The following ZNF112 variants were observed in gnomAD, a reference collection of about 807,000 sequenced individuals.
The protein encoded by ZNF112 is zinc finger protein 112.
Under a neutral mutation model 77.7 loss-of-function variants are expected in ZNF112, and 37 were observed. That is an observed-to-expected ratio of 0.48 (90% CI 0.37 to 0.63). The LOEUF (loss-of-function observed/expected upper bound fraction) is 0.63. Among genes scored for constraint, ZNF112 ranks in the 20% least tolerant of loss-of-function variants. The pLI is 0.00. For missense variants in ZNF112, 950 were observed against 1,077.4 expected, an observed-to-expected ratio of 0.88 and a Z score of 1.66; for synonymous variants, 333 against 363.6, an observed-to-expected ratio of 0.92 and a Z score of 0.96.
intron 3 of ZNF112, among the ~76,000 whole-genome samples, chr19:44,333,870 A>G (rs141487196): frequency 2.1e-3 from 319 of 152,334 alleles, no homozygotes; most frequent in Non-Finnish European, 3.3e-3. Context: ...GGGCATTGCT[A>G]TAAAGATACC....
chr19:44,343,247 A>G, intron 1 of ZNF112: 2 of 1,613,584 alleles, frequency 1.2e-6, no homozygotes, highest in South Asian at 2.2e-5. Context: ...AATGAAAACC[A>G]GCTCACCTGG....
chr19:44,348,646 C>G lies in ZNF112; in HGVS notation c.-4+7980G>C, dbSNP rs146824067. Among the ~76,000 whole-genome samples, 57 of 152,162 alleles carry G rather than the reference C, an allele frequency of 3.7e-4. 1 individual carries two copies. In the East Asian group the frequency reaches 7.0e-3, roughly 19 times the overall value. On this transcript the variant is annotated intron_variant, in intron 1 of 3. Transcript: ENST00000354340. ...TGTTTGGAAATTAAGCAGCATACTT[C>G]TAAGCAACCAATGAAATTAGTCACA... is the stretch of plus-strand genomic sequence containing the variant.
rs115942850 is a variant in ZNF112 at position 44,344,297 on chromosome 19, G to A, written c.-3-3755C>T. Reference sequence around the variant, plus strand: ...CTGGACACCAGGAGTTTAATTTCATGGTTCTTCCTCAAGGTTTGTTACTTT... The same window carrying A: ...CTGGACACCAGGAGTTTAATTTCATAGTTCTTCCTCAAGGTTTGTTACTTT... On this transcript the variant is annotated intron_variant, in intron 1 of 3. Transcript: ENST00000354340. Among the ~76,000 whole-genome samples, 564 of 138,810 alleles carry A rather than the reference G, an allele frequency of 4.1e-3. 1 individual carries two copies. Among genetic ancestry groups the A allele is most frequent in the African/African-American group, 0.014 (520 of 38,248 alleles). 91.1% of individuals were successfully genotyped at this position (138,810 alleles called of 152,430 possible).
At chr19:44,361,976 A>T (rs1471435949) in intron 1 of ZNF112, among the ~76,000 whole-genome samples, 1 of 152,156 alleles carries the variant, frequency 6.6e-6, no homozygotes, top group Non-Finnish European at 1.5e-5. Flanking sequence ...TTAAAAAATC[A>T]ATGATATGTT....
chr19:44,341,707 T>C (rs1970493528), intron 1 of ZNF112, among the ~76,000 whole-genome samples: 1 of 152,240 alleles, frequency 6.6e-6, no homozygotes, highest in South Asian at 2.1e-4. Context: ...TAATAATTCA[T>C]TTGGAGGACA....
At chr19:44,353,060 T>A (rs1388867738) in intron 1 of ZNF112, among the ~76,000 whole-genome samples, 2 of 152,038 alleles carry the variant, frequency 1.3e-5, no homozygotes, top group Non-Finnish European at 2.9e-5. Flanking sequence ...TTTGGAAGAA[T>A]CAAACTATCC....
At position 44,329,834 on chromosome 19, in the gene ZNF112, C is replaced by A; in HGVS notation, c.323G>T (p.Gly108Val). 6.2e-7 allele frequency: 1 copy of A among 1,613,982 alleles called. No homozygotes were observed. The highest frequency in any genetic ancestry group is 1.1e-5 in the South Asian group (1 of 91,082). ...SSRQTWQQSAGGLIRCQDFLK... is the reference protein window; with the variant it reads ...SSRQTWQQSAVGLIRCQDFLK... ...GAAATCTTGACACCTGATTAACCCA[C>A]CTGCACTTTGTTGCCAGGTCTGACG... The change falls in exon 4 of 4, where the codon GGT (glycine) becomes GTT (valine). Residue 108 changes from glycine (G) to valine (V), a missense_variant. Coordinates refer to ENST00000354340, the MANE Select transcript of ZNF112 (RefSeq NM_013380.4).
rs746303704 is a variant in ZNF112, at chr19:44,329,174, C to A, written c.983G>T (p.Gly328Val). The A allele has an allele frequency of 3.1e-6, 5 of 1,613,880 alleles. No individual in the cohort carries two copies. Among genetic ancestry groups the A allele is most frequent in the Non-Finnish European group, 4.2e-6 (5 of 1,179,998 alleles). ...VHTEEKPCKCGEYGENFNHCS... is the reference protein window; with the variant it reads ...VHTEEKPCKCVEYGENFNHCS... ...GTGATTGAAGTTCTCACCATATTCA[C>A]CACATTTGCATGGTTTCTCCTCTGT... The change falls in exon 4 of 4, where the codon GGT becomes GTT. Residue 328 changes from glycine (G) to valine (V), a missense_variant. Coordinates refer to ENST00000354340, the MANE Select transcript of ZNF112 (RefSeq NM_013380.4).
intron 1 of ZNF112, 77 bp from the exon 2 acceptor site, chr19:44,340,619 TTCTGGAG>T: frequency 1.9e-6 from 3 of 1,602,638 alleles, no homozygotes; most frequent in Non-Finnish European, 2.6e-6. Context: ...CTGGAAGCTG[TTCTGGAG>T]TCTGGGCAAC....
At chr19:44,343,360 T>C in intron 1 of ZNF112, 1 of 1,412,182 alleles carries the variant, frequency 7.1e-7, no homozygotes, top group Middle Eastern at 1.8e-4. Flanking sequence ...GAAACGTATC[T>C]TTGTGCAAAT....
intron 1 of ZNF112, among the ~76,000 whole-genome samples, chr19:44,351,061 A>G (rs1599934004): frequency 6.6e-6 from 1 of 151,980 alleles, no homozygotes; most frequent in Non-Finnish European, 1.5e-5. Flanking sequence ...GTTGCTTCTC[A>G]TAGGAATCCA....
At chr19:44,354,673 C>T (rs1970753890) in intron 1 of ZNF112, among the ~76,000 whole-genome samples, 1 of 152,128 alleles carries the variant, frequency 6.6e-6, no homozygotes, top group South Asian at 2.1e-4. Context: ...CTACTCTAAC[C>T]ATAAACCCTT....
intron 3 of ZNF112, among the ~76,000 whole-genome samples, chr19:44,332,141 C>T (rs543873490): frequency 1.5e-4 from 23 of 152,230 alleles, no homozygotes; most frequent in Non-Finnish European, 2.4e-4. Context: ...TATAATTGCA[C>T]CTGTGAACAG....
rs71362683 is a variant in ZNF112 at position 44,346,162 on chromosome 19, C to T, written c.-3-5620G>A. 6.3e-3 allele frequency among the ~76,000 whole-genome samples: 957 copies of T among 152,280 alleles called. 4 individuals are homozygous for T. The highest frequency in any genetic ancestry group is 0.011 in the Non-Finnish European group (755 of 68,022). On this transcript the variant is annotated intron_variant, in intron 1 of 3. Coordinates refer to ENST00000354340, the MANE Select transcript of ZNF112 (RefSeq NM_013380.4). The stretch of plus-strand genomic sequence containing the variant: ...ACCCATTTTGCCAGCCTAATGAAAG[C>T]GGAATGCTTTGGCCAAGAGCCCAGG...
chr19:44,347,221 C>T (rs780790649), intron 1 of ZNF112, among the ~76,000 whole-genome samples: 5 of 152,102 alleles, frequency 3.3e-5, no homozygotes, highest in African/African-American at 4.8e-5. Context: ...ATAGCCACTC[C>T]GTAGTACAGC....
chr19:44,364,372 C>T (rs1970882920), intron 1 of ZNF112, among the ~76,000 whole-genome samples: 1 of 152,116 alleles, frequency 6.6e-6, no homozygotes, highest in Non-Finnish European at 1.5e-5. Flanking sequence ...TCAAATTTTG[C>T]CCATTATAAT....
intron 3 of ZNF112, among the ~76,000 whole-genome samples, chr19:44,333,831 G>A (rs1821458): frequency 0.63 from 95,386 of 151,994 alleles, 30,171 homozygotes; most frequent in Admixed American, 0.74. Flanking sequence ...GAGAATGGAC[G>A]AATAAAGAAA....
Position 44,349,622 on chromosome 19 carries a change from C to A in ZNF112, c.-4+7004G>T, listed in dbSNP as rs118188092. Among the ~76,000 whole-genome samples, 30 of 152,042 alleles carry A rather than the reference C, an allele frequency of 2.0e-4. No individual in the cohort carries two copies. The East Asian group carries it at 5.8e-3, about 29-fold the overall frequency. ...AAAATGTCTCATCAGAGCAGAATTTCTTCACAAAAAAAATAATGAAAATGA... is the reference window on the plus strand; with the variant it reads ...AAAATGTCTCATCAGAGCAGAATTTATTCACAAAAAAAATAATGAAAATGA... On this transcript the variant is annotated intron_variant, in intron 1 of 3. Coordinates refer to ENST00000354340, the MANE Select transcript of ZNF112 (RefSeq NM_013380.4).
Position 44,329,861 on chromosome 19 carries a change from G to A in ZNF112, c.296C>T (p.Ser99Phe). Residue 99 changes from serine (S) to phenylalanine (F), a missense_variant, in exon 4 of 4, where the codon TCC (serine) becomes TTC (phenylalanine). By Grantham distance (155) the Ser-to-Phe change is radical. Coordinates refer to ENST00000354340, the MANE Select transcript of ZNF112 (RefSeq NM_013380.4). ...TGCACTTTGTTGCCAGGTCTGACGG[G>A]AGGAAAGCTCTTTGGGGGAAAAGTA... Reference protein sequence around the residue: ...VSYFSPKELSSRQTWQQSAGG... With the variant: ...VSYFSPKELSFRQTWQQSAGG... The A allele has an allele frequency of 6.2e-7, 1 of 1,613,968 alleles. No individual in the cohort carries two copies. Among genetic ancestry groups the A allele is most frequent in the Non-Finnish European group, 8.5e-7 (1 of 1,179,978 alleles).
Sources: gnomAD v4.1 joint callset for allele counts (sites outside exome capture counted in the v4.1 genomes callset) on GRCh38, gnomAD v4.1.1 for gene constraint, MANE v1.5 for transcripts, NCBI Gene and HGNC (gene_info 2026-07-23, HGNC 2026-07-21) for gene names.